Variants in FOSL1 observed in about 807,000 individuals in gnomAD.
The protein encoded by FOSL1 is fos-related antigen 1.
In FOSL1, 14 loss-of-function variants were observed where a neutral mutation model predicts 24.9. That is an observed-to-expected ratio of 0.56 (90% CI 0.37 to 0.88). The LOEUF is 0.88. FOSL1 is among the 40% of genes least tolerant of loss of function. The probability of loss-of-function intolerance (pLI) is 0.00; values close to 1 mark genes in which losing one functional copy is unlikely to be tolerated. For synonymous variants in FOSL1, 133 were observed against 145.1 expected (o/e 0.92, Z 0.60); for missense variants, 318 against 359.8 (o/e 0.88, Z 0.94).
intron 1 of FOSL1, among the ~76,000 whole-genome samples, chr11:65,898,695 G>T (rs776972266): frequency 6.6e-6 from 1 of 152,148 alleles, no homozygotes; most frequent in African/African-American, 2.4e-5. Context: ...GACTAGGCAT[G>T]GTGGCTCATA....
intron 3 of FOSL1, among the ~76,000 whole-genome samples, chr11:65,893,767 C>T (rs1227765020): frequency 6.6e-6 from 1 of 152,028 alleles, no homozygotes; most frequent in Non-Finnish European, 1.5e-5. Flanking sequence ...CACTGCACTC[C>T]AGCCTGGGTG....
chr11:65,893,949 T>TGGGGCTCTG (rs1860458865), intron 3 of FOSL1, 65 bp downstream of exon 3: 2 of 1,104,200 alleles, frequency 1.8e-6, no homozygotes, highest in Non-Finnish European at 1.3e-6. Flanking sequence ...CTACATATAC[T>TGGGGCTCTG]GGGGCTCTGG....
At chr11:65,895,671 G>A (rs1860508385) in intron 2 of FOSL1, among the ~76,000 whole-genome samples, 1 of 152,182 alleles carries the variant, frequency 6.6e-6, no homozygotes, top group Admixed American at 6.5e-5. Context: ...GCACAGGAGG[G>A]TTTACCCCTG....
In FOSL1 at chr11:65,893,197, G is replaced by T. The variant is rs528663296; in HGVS notation, c.505C>A (p.Arg169=). Residue 169 remains arginine, a synonymous_variant, in exon 4 of 4, where the codon CGA becomes AGA. Coordinates refer to ENST00000312562, the MANE Select transcript of FOSL1 (RefSeq NM_005438.5). ...ERLELVLEAH[R]PICKIPEGAK... ...CCTTCCGGGATTTTGCAGATGGGTC[G>T]GTGGGCTTCCAGCACCAGCTCTAGG... The T allele has an allele frequency of 1.9e-6, 3 of 1,614,026 alleles. No homozygotes were observed. Among genetic ancestry groups the T allele is most frequent in the South Asian group, 1.1e-5 (1 of 91,078 alleles).
At chr11:65,900,146 C>T (rs1014528123) in intron 1 of FOSL1, 95 bp downstream of exon 1, 8 of 597,254 alleles carry the variant, frequency 1.3e-5, no homozygotes, top group Non-Finnish European at 2.0e-5. Flanking sequence ...GCCCCGACTC[C>T]GGTTCCCCGC....
chr11:65,899,154 A>C (rs904140798), intron 1 of FOSL1, among the ~76,000 whole-genome samples: 2 of 152,142 alleles, frequency 1.3e-5, no homozygotes, highest in Non-Finnish European at 2.9e-5. Flanking sequence ...GATGGGGCTC[A>C]GTGTTCTGGG....
rs376885975 is a variant in FOSL1, at chr11:65,893,403, G to T, written c.406-107C>A. On this transcript the variant is annotated intron_variant, in intron 3 of 3. Transcript: ENST00000312562. The stretch of plus-strand genomic sequence containing the variant: ...GAGCTGGGGTTGGGCGGGGGGAGAG[G>T]GGGGGCAGTGGAGAGTCCCCAGCAA... The T allele has an allele frequency of 5.2e-6, 4 of 773,232 alleles. No homozygotes were observed. In the African/African-American group the frequency reaches 9.9e-5, roughly 19 times the overall value. 47.9% of individuals were successfully genotyped at this position (773,232 alleles called of 1,614,324 possible).
chr11:65,896,378 A>C (rs1860525652), intron 2 of FOSL1, among the ~76,000 whole-genome samples: 1 of 152,150 alleles, frequency 6.6e-6, no homozygotes, highest in African/African-American at 2.4e-5. Context: ...CTGAGGGAGT[A>C]GCTGAAGGGA....
At position 65,892,824 on chromosome 11, in the gene FOSL1, G is replaced by A; in HGVS notation, c.*62C>T. On this transcript the variant is annotated 3_prime_UTR_variant, in exon 4 of 4. Transcript: ENST00000312562. ...GATACTGTCCAGGCCAGCTGGACCG[G>A]TGGGGGAAGGGGAGGAGACATTGGC... 1 of 1,538,746 alleles carries A rather than the reference G, an allele frequency of 6.5e-7. No homozygotes were observed. Among genetic ancestry groups the A allele is most frequent in the Non-Finnish European group, 8.9e-7 (1 of 1,128,286 alleles).
chr11:65,897,639 C>T (rs1165728311), intron 1 of FOSL1, among the ~76,000 whole-genome samples: 1 of 152,060 alleles, frequency 6.6e-6, no homozygotes, highest in Non-Finnish European at 1.5e-5. Context: ...AGCGCCCAGC[C>T]TAGTATCTTC....
At position 65,892,973 on chromosome 11, in the gene FOSL1, AG is replaced by A. The variant is rs1211493853; in HGVS notation, c.728del (p.Pro243LeufsTer42). The A allele has an allele frequency of 6.2e-7, 1 of 1,612,828 alleles. No homozygotes were observed. The highest frequency in any genetic ancestry group is 1.3e-5 in the African/African-American group (1 of 74,982). On this transcript the variant is annotated frameshift_variant, in exon 4 of 4. Transcript: ENST00000312562. LOFTEE classifies it high-confidence loss of function. The stretch of plus-strand genomic sequence containing the variant: ...TACTCTTGCGATGAGCTGAGGCACA[AG>A]GCTCAGGAGTGCTGGGGTAGGTGAA... ...LVFTYPSTPE[P>X]CASAHRKSSS... is the part of the protein sequence containing the mutation.
chr11:65,892,849 C>T lies in FOSL1; in HGVS notation c.*37G>A. On this transcript the variant is annotated 3_prime_UTR_variant, in exon 4 of 4. Coordinates refer to ENST00000312562, the MANE Select transcript of FOSL1 (RefSeq NM_005438.5). ...GTGGGGGAAGGGGAGGAGACATTGG[C>T]TAGGGTGGCATCTGCAGGGAGTAGG... 2 of 1,598,456 alleles carry T rather than the reference C, an allele frequency of 1.3e-6. No individual in the cohort carries two copies. Among genetic ancestry groups the T allele is most frequent in the Non-Finnish European group, 1.7e-6 (2 of 1,173,928 alleles).
At chr11:65,895,123 C>CTTTTT (rs71036251) in intron 2 of FOSL1, among the ~76,000 whole-genome samples, 2 of 111,426 alleles carry the variant, frequency 1.8e-5, no homozygotes, top group Non-Finnish European at 1.7e-5. Flanking sequence ...AACATAGATT[C>CTTTTT]TTTTTTTTTT....
chr11:65,895,418 C>T (rs1237275493), intron 2 of FOSL1, among the ~76,000 whole-genome samples: 3 of 152,210 alleles, frequency 2.0e-5, no homozygotes, highest in African/African-American at 4.8e-5. Flanking sequence ...GCCACCATGC[C>T]TGGCCTTAAA....
intron 3 of FOSL1, 113 bp from the exon 4 acceptor site, chr11:65,893,409 C>A: frequency 2.7e-6 from 2 of 752,892 alleles, no homozygotes; most frequent in Non-Finnish European, 4.3e-6. Context: ...AGAGGGGGGG[C>A]AGTGGAGAGT....
Position 65,892,873 on chromosome 11 carries a change from G to C in FOSL1, c.*13C>G. On this transcript the variant is annotated 3_prime_UTR_variant, in exon 4 of 4. Coordinates refer to ENST00000312562, the MANE Select transcript of FOSL1 (RefSeq NM_005438.5). ...GCTAGGGTGGCATCTGCAGGGAGTAGGGCTCAGGCGCCTCACAAAGCGAGG... is the reference window on the plus strand; with the variant it reads ...GCTAGGGTGGCATCTGCAGGGAGTACGGCTCAGGCGCCTCACAAAGCGAGG... The C allele has an allele frequency of 6.2e-7, 1 of 1,608,706 alleles. No homozygotes were observed. Among genetic ancestry groups the C allele is most frequent in the South Asian group, 1.1e-5 (1 of 90,478 alleles).
In FOSL1 at chr11:65,892,393, G is replaced by A; in HGVS notation, c.*493C>T. On this transcript the variant is annotated 3_prime_UTR_variant, in exon 4 of 4. Transcript: ENST00000312562. Reference sequence around the variant, plus strand: ...CACAGAAGCCAAGGGCGCCTCCTGAGCTGTGCGGTTCAGGAGGGGGCGGCA... The same window carrying A: ...CACAGAAGCCAAGGGCGCCTCCTGAACTGTGCGGTTCAGGAGGGGGCGGCA... The A allele has an allele frequency of 1.4e-5, 5 of 351,160 alleles. No homozygotes were observed. The highest frequency in any genetic ancestry group is 1.1e-4 in the South Asian group (5 of 47,436). 21.8% of individuals were successfully genotyped at this position (351,160 alleles called of 1,614,324 possible). A position where few individuals can be genotyped will look rare whatever the true frequency, so the allele number is the denominator to read the frequency against.
intron 1 of FOSL1, among the ~76,000 whole-genome samples, chr11:65,899,568 A>G (rs1860619343): frequency 6.6e-6 from 1 of 152,120 alleles, no homozygotes; most frequent in Non-Finnish European, 1.5e-5. Flanking sequence ...AGTCGCCCGC[A>G]GCCTGACCCC....
At chr11:65,899,555 G>A (rs955358508) in intron 1 of FOSL1, among the ~76,000 whole-genome samples, 1 of 152,222 alleles carries the variant, frequency 6.6e-6, no homozygotes. Flanking sequence ...GTGGGGTCGC[G>A]AGAGTCGCCC....
Sources: gnomAD v4.1 joint callset for allele counts (sites outside exome capture counted in the v4.1 genomes callset) on GRCh38, gnomAD v4.1.1 for gene constraint, MANE v1.5 for transcripts, NCBI Gene and HGNC (gene_info 2026-07-23, HGNC 2026-07-21) for gene names.